The following DPP6 variants were observed in gnomAD, a reference collection of about 807,000 sequenced individuals.
The protein encoded by DPP6 is dipeptidyl peptidase like 6, also known as A-type potassium channel modulatory protein DPP6.
Under a neutral mutation model 122.6 loss-of-function variants are expected in DPP6, and 69 were observed. The observed-to-expected ratio is 0.56, with a 90% confidence interval of 0.46 to 0.69. The LOEUF (loss-of-function observed/expected upper bound fraction) is 0.69. Among genes scored for constraint, DPP6 ranks in the 30% least tolerant of loss-of-function variants. The probability of loss-of-function intolerance (pLI) is 0.00; values close to 1 mark genes in which losing one functional copy is unlikely to be tolerated. For synonymous variants in DPP6, 418 were observed against 433.1 expected, an observed-to-expected ratio of 0.97 and a Z score of 0.43; for missense variants, 928 against 1,116.9, an observed-to-expected ratio of 0.83 and a Z score of 2.41.
chr7:154,063,429 C>T lies in DPP6; in HGVS notation c.243+10366C>T, dbSNP rs1481737569. Among the ~76,000 whole-genome samples the T allele has an allele frequency of 8.2e-4, 107 of 130,276 alleles. 14 individuals carry two copies. The allele number at this position is 130,276 out of a possible 152,430, so 85.5% of individuals were successfully genotyped here. Reference sequence around the variant, plus strand: ...CTCTTCCGCCCCTGGCTGTTGGTACCCCCATCGCAAGGGGGGGAGGCACCT... The same window carrying T: ...CTCTTCCGCCCCTGGCTGTTGGTACTCCCATCGCAAGGGGGGGAGGCACCT... On this transcript the variant is annotated intron_variant, in intron 1 of 25. Transcript: ENST00000377770.
At chr7:153,861,929 T>A in the DPP6 span, among the ~76,000 whole-genome samples, 2 of 152,180 alleles carry the variant, frequency 1.3e-5, no homozygotes, top group African/African-American at 4.8e-5. Context: ...CAGGTAAACA[T>A]CTCGATGATG....
chr7:153,878,651 T>C, the DPP6 span, among the ~76,000 whole-genome samples: 2 of 152,116 alleles, frequency 1.3e-5, no homozygotes, highest in Non-Finnish European at 2.9e-5. Flanking sequence ...AAGAAATCTT[T>C]TGAGACACCG....
At chr7:154,883,630 ACAC>A (rs1563322745) in intron 21 of DPP6, 2 of 146,820 alleles carry the variant, frequency 1.4e-5, no homozygotes, top group African/African-American at 2.5e-5. Flanking sequence ...GCTCACACAC[ACAC>A]ATGCTCATAC....
chr7:154,172,092 G>A (rs1299695763), intron 1 of DPP6, among the ~76,000 whole-genome samples: 1 of 151,964 alleles, frequency 6.6e-6, no homozygotes, highest in Non-Finnish European at 1.5e-5. Context: ...CTTTCACTGA[G>A]CCTCATTGCA....
At chr7:154,610,769 C>G (rs565778587) in intron 5 of DPP6, among the ~76,000 whole-genome samples, 1 of 150,182 alleles carries the variant, frequency 6.7e-6, no homozygotes, top group Non-Finnish European at 1.5e-5. Flanking sequence ...ATTTGCGTTT[C>G]TCATCTGGAA....
At chr7:154,854,221 G>T (rs2150580205) in intron 17 of DPP6, among the ~76,000 whole-genome samples, 1 of 152,306 alleles carries the variant, frequency 6.6e-6, no homozygotes, top group South Asian at 2.1e-4. Context: ...GTGGGTCTGG[G>T]AGCTTCACGG....
intron 1 of DPP6, among the ~76,000 whole-genome samples, chr7:153,958,078 C>G (rs1160759093): frequency 1.3e-5 from 2 of 152,124 alleles, no homozygotes; most frequent in East Asian, 3.9e-4. Context: ...GCAGGAGAAT[C>G]GCTTGAACCC....
the DPP6 span, among the ~76,000 whole-genome samples, chr7:153,795,825 A>G: frequency 6.6e-6 from 1 of 150,448 alleles, no homozygotes; most frequent in Non-Finnish European, 1.5e-5. Context: ...ATTCTTTATA[A>G]TTTTTAAATT....
chr7:154,658,362 T>TA, intron 6 of DPP6, among the ~76,000 whole-genome samples: 1 of 152,236 alleles, frequency 6.6e-6, no homozygotes, highest in African/African-American at 2.4e-5. Context: ...GCTTATTAAT[T>TA]AAAAATAGTA....
chr7:154,508,809 T>C (rs10239794), intron 3 of DPP6, among the ~76,000 whole-genome samples: 82,213 of 152,072 alleles, frequency 0.54, 22,476 homozygotes, highest in Middle Eastern at 0.6. Context: ...TTTTCTATGT[T>C]ATGGAGTAAA....
chr7:153,978,346 T>A (rs1303898750), intron 1 of DPP6, among the ~76,000 whole-genome samples: 1 of 152,238 alleles, frequency 6.6e-6, no homozygotes, highest in Non-Finnish European at 1.5e-5. Context: ...GCTGCATAAA[T>A]GTCTTCGTTT....
rs3059905 is a variant in DPP6 at position 154,023,317 on chromosome 7, T to TGCAC, written c.51+135584_51+135587dup. 1.5e-3 allele frequency among the ~76,000 whole-genome samples: 61 copies of TGCAC among 40,956 alleles called. 1 individual carries two copies. The highest frequency in any genetic ancestry group is 6.3e-3 in the African/African-American group (52 of 8,260). The allele number at this position is 40,956 out of a possible 152,430, so 26.9% of individuals were successfully genotyped here. On this transcript the variant is annotated intron_variant, in intron 1 of 25. Coordinates refer to the DPP6 transcript ENST00000404039. ...GCAGGCTCTGGAAATGTTTCTTGTC[T>TGCAC]GCACACACACACACACACACACACA...
the DPP6 span, among the ~76,000 whole-genome samples, chr7:153,862,738 T>C: frequency 6.6e-6 from 1 of 152,116 alleles, no homozygotes; most frequent in Non-Finnish European, 1.5e-5. Flanking sequence ...GTATTTTAGG[T>C]TTCTCCATTA....
At chr7:154,047,800 G>A (rs1383174620), upstream of DPP6, among the ~76,000 whole-genome samples, 1 of 151,760 alleles carries the variant, frequency 6.6e-6, no homozygotes, top group Non-Finnish European at 1.5e-5. Flanking sequence ...ATGCATGAAG[G>A]CAAGACAACA....
intron 3 of DPP6, among the ~76,000 whole-genome samples, chr7:154,500,544 C>T (rs1438609412): frequency 1.3e-5 from 2 of 152,086 alleles, no homozygotes; most frequent in Admixed American, 6.6e-5. Flanking sequence ...CTCCTGATAG[C>T]GAATGAGTCT....
intron 21 of DPP6, 137 bp downstream of exon 21, chr7:154,881,079 G>T: frequency 1.5e-6 from 2 of 1,333,160 alleles, no homozygotes; most frequent in Non-Finnish European, 2.0e-6. Flanking sequence ...CAAGAGCCTG[G>T]GTGCTTAGTG....
intron 1 of DPP6, among the ~76,000 whole-genome samples, chr7:153,966,552 GGCTTTTTTT>G (rs1795736956): frequency 2.2e-5 from 1 of 46,442 alleles, no homozygotes; most frequent in South Asian, 1.1e-3. Flanking sequence ...GTCCTGTGTT[GGCTTTTTTT>G]TTTTTTTTTT....
chr7:154,275,742 C>A (rs542845598), intron 1 of DPP6, among the ~76,000 whole-genome samples: 1 of 152,350 alleles, frequency 6.6e-6, no homozygotes, highest in Admixed American at 6.5e-5. Flanking sequence ...GGGAAGGCAG[C>A]ATTTAAATCT....
At chr7:154,239,286 CT>C (rs1801417313) in intron 1 of DPP6, among the ~76,000 whole-genome samples, 1 of 152,142 alleles carries the variant, frequency 6.6e-6, no homozygotes, top group Non-Finnish European at 1.5e-5. Context: ...TGTCGTAGCT[CT>C]TAGTAGCTTC....
Sources: gnomAD v4.1 joint callset for allele counts (sites outside exome capture counted in the v4.1 genomes callset) on GRCh38, gnomAD v4.1.1 for gene constraint, MANE v1.5 for transcripts, NCBI Gene and HGNC (gene_info 2026-07-23, HGNC 2026-07-21) for gene names.